The following C1orf198 variants were observed in gnomAD, a reference collection of about 807,000 sequenced individuals.
C1orf198 encodes the protein uncharacterized protein C1orf198.
In C1orf198, 17 loss-of-function variants were observed where a neutral mutation model predicts 31.4. The ratio of observed to expected loss-of-function variants is 0.54; its 90% CI spans 0.37 to 0.81. The LOEUF (loss-of-function observed/expected upper bound fraction) is 0.81, where lower values mean the gene tolerates loss of function less well. C1orf198 is among the 40% of genes least tolerant of loss of function. The pLI is 0.00. For missense variants in C1orf198, 401 were observed against 450.3 expected, an observed-to-expected ratio of 0.89 and a Z score of 0.99; for synonymous variants, 175 against 193.8, an observed-to-expected ratio of 0.90 and a Z score of 0.81.
chr1:230,847,725 G>A (rs1669632182), intron 2 of C1orf198, among the ~76,000 whole-genome samples: 1 of 152,240 alleles, frequency 6.6e-6, no homozygotes. Context: ...CAGAAAGACT[G>A]TGGGATAGAG....
Position 230,840,008 on chromosome 1 carries a change from A to C in C1orf198, c.928-100T>G. 9.7e-7 allele frequency: 1 copy of C among 1,034,512 alleles called. No homozygotes were observed. Among genetic ancestry groups the C allele is most frequent in the East Asian group, 2.5e-5 (1 of 39,526 alleles). 64.1% of individuals were successfully genotyped at this position (1,034,512 alleles called of 1,614,324 possible). ...TCATTTAAAACGACCCAGATAAAAG[A>C]GCCTACTTCTGTCTCAGAGGTTCCC... is the stretch of plus-strand genomic sequence containing the variant. On this transcript the variant is annotated intron_variant, in intron 3 of 3. Coordinates refer to ENST00000366663, the MANE Select transcript of C1orf198 (RefSeq NM_032800.3). This position sits in a 1 kb window ranked among gnomAD's most constrained non-coding sequence, Gnocchi z 4.0.
intron 2 of C1orf198, among the ~76,000 whole-genome samples, chr1:230,852,643 A>G (rs1268976111): frequency 6.6e-6 from 1 of 152,248 alleles, no homozygotes; most frequent in Non-Finnish European, 1.5e-5. Context: ...GAATGCCACC[A>G]GACTATACAC....
Position 230,843,971 on chromosome 1 carries a change from A to G in C1orf198, c.385-75T>C. On this transcript the variant is annotated intron_variant, in intron 2 of 3. Transcript: ENST00000366663. The surrounding 1 kb of genome is among the most constrained non-coding windows in gnomAD (Gnocchi z 4.9). ...TCGACCGTCACAAGTGTGCCAGCTC[A>G]CGCACCCCTCCTCAGCATAAGGACG... The G allele has an allele frequency of 7.1e-7, 1 of 1,412,454 alleles. No individual in the cohort carries two copies. Among genetic ancestry groups the G allele is most frequent in the Admixed American group, 2.3e-5 (1 of 43,504 alleles). The allele number at this position is 1,412,454 out of a possible 1,614,324, so 87.5% of individuals were successfully genotyped here.
chr1:230,842,861 G>A (rs1572125349), intron 3 of C1orf198, among the ~76,000 whole-genome samples: 1 of 152,234 alleles, frequency 6.6e-6, no homozygotes, highest in East Asian at 1.9e-4. Flanking sequence ...CCTCAGCAAG[G>A]CAGCCAGGAG....
In C1orf198 at chr1:230,841,455, C is replaced by T. The variant is rs566882288; in HGVS notation, c.928-1547G>A. 7.2e-5 allele frequency among the ~76,000 whole-genome samples: 11 copies of T among 152,232 alleles called. 1 individual carries two copies. Among genetic ancestry groups the T allele is most frequent in the African/African-American group, 2.6e-4 (11 of 41,524 alleles). On this transcript the variant is annotated intron_variant, in intron 3 of 3. Transcript: ENST00000366663. The stretch of plus-strand genomic sequence containing the variant: ...TGATCTCAACTCAACAACAAAATAA[C>T]CAAAAATTTAAAAATGGGCAAGGGA...
rs920815935 is a variant in C1orf198, at chr1:230,839,824, G to A, written c.*28C>T. On this transcript the variant is annotated 3_prime_UTR_variant, in exon 4 of 4. Transcript: ENST00000366663. ...ACACCACTTTGGAAAACATTTTAGG[G>A]TTCTTCATTGTATTTTTCTAATACA... 1 of 1,598,528 alleles carries A rather than the reference G, an allele frequency of 6.3e-7. No homozygotes were observed. The highest frequency in any genetic ancestry group is 8.5e-7 in the Non-Finnish European group (1 of 1,170,152).
intron 2 of C1orf198, among the ~76,000 whole-genome samples, chr1:230,855,097 C>A (rs1669841078): frequency 6.6e-6 from 1 of 152,102 alleles, no homozygotes; most frequent in Non-Finnish European, 1.5e-5. Context: ...TCTACTGGGG[C>A]AACTTAGGAG....
chr1:230,849,156 C>T (rs1669667169), intron 2 of C1orf198, among the ~76,000 whole-genome samples: 1 of 152,210 alleles, frequency 6.6e-6, no homozygotes, highest in Non-Finnish European at 1.5e-5. Flanking sequence ...TCTTCCAGTC[C>T]AGGGCACAGC....
At chr1:230,866,091 T>C (rs1670113768) in intron 1 of C1orf198, among the ~76,000 whole-genome samples, 1 of 152,206 alleles carries the variant, frequency 6.6e-6, no homozygotes, top group Non-Finnish European at 1.5e-5. Flanking sequence ...CAGCCTATCC[T>C]GTCCTTATCC....
At chr1:230,865,048 C>A (rs1670086562) in intron 1 of C1orf198, among the ~76,000 whole-genome samples, 1 of 152,212 alleles carries the variant, frequency 6.6e-6, no homozygotes. Flanking sequence ...ATTTGCAAAC[C>A]TGCCTTAATG....
At chr1:230,852,678 T>G (rs1400603077) in intron 2 of C1orf198, among the ~76,000 whole-genome samples, 1 of 152,138 alleles carries the variant, frequency 6.6e-6, no homozygotes, top group Non-Finnish European at 1.5e-5. Flanking sequence ...GATGGAAAAT[T>G]TTATGTTGTG....
At position 230,843,958 on chromosome 1, in the gene C1orf198, A is replaced by T; in HGVS notation, c.385-62T>A. ...GAGATCCTGAGAATCGACCGTCACA[A>T]GTGTGCCAGCTCACGCACCCCTCCT... On this transcript the variant is annotated intron_variant, in intron 2 of 3. Transcript: ENST00000366663. This position sits in a 1 kb window ranked among gnomAD's most constrained non-coding sequence, Gnocchi z 4.9. 1.4e-6 allele frequency: 2 copies of T among 1,475,244 alleles called. No homozygotes were observed. Among genetic ancestry groups the T allele is most frequent in the Non-Finnish European group, 1.8e-6 (2 of 1,112,828 alleles). The allele number at this position is 1,475,244 out of a possible 1,614,324, so 91.4% of individuals were successfully genotyped here.
rs778320924 is a variant in C1orf198, at chr1:230,843,577, G to A, written c.704C>T (p.Pro235Leu). 26 of 1,613,974 alleles carry A rather than the reference G, an allele frequency of 1.6e-5. No individual in the cohort carries two copies. The highest frequency in any genetic ancestry group is 1.6e-4 in the Middle Eastern group (1 of 6,082). Reference sequence around the variant, plus strand: ...TTCCACCTTGGCCTCCCTGTCCTTCGGGGCAGGTTCCTGCCGGTAGCAGGG... The same window carrying A: ...TTCCACCTTGGCCTCCCTGTCCTTCAGGGCAGGTTCCTGCCGGTAGCAGGG... ...LPPCYRQEPA[P>L]KDREAKVERP... Residue 235 changes from proline to leucine, a missense_variant, in exon 3 of 4, where the codon CCG (proline) becomes CTG (leucine). Pro to Leu is a moderately conservative substitution (Grantham distance 98). Coordinates refer to ENST00000366663, the MANE Select transcript of C1orf198 (RefSeq NM_032800.3). The surrounding 1 kb of genome is among the most constrained non-coding windows in gnomAD (Gnocchi z 4.9).
chr1:230,856,834 C>G (rs897458104), intron 1 of C1orf198, among the ~76,000 whole-genome samples: 3 of 152,144 alleles, frequency 2.0e-5, no homozygotes, highest in Admixed American at 1.3e-4. Context: ...CGTAAGTATC[C>G]CTGGATAACT....
intron 1 of C1orf198, among the ~76,000 whole-genome samples, chr1:230,863,243 C>G (rs1453292789): frequency 6.6e-6 from 1 of 152,120 alleles, no homozygotes; most frequent in Non-Finnish European, 1.5e-5. Flanking sequence ...GAATACGAAT[C>G]CAGAAACTCA....
chr1:230,858,493 A>G (rs1572137323), intron 1 of C1orf198, among the ~76,000 whole-genome samples: 1 of 152,284 alleles, frequency 6.6e-6, no homozygotes, highest in East Asian at 1.9e-4. Context: ...GGCTCTTCAC[A>G]GCTCTTAGTT....
At chr1:230,854,511 A>G (rs4593836) in intron 2 of C1orf198, among the ~76,000 whole-genome samples, 24,860 of 152,128 alleles carry the variant, frequency 0.16, 2,433 homozygotes, top group East Asian at 0.38. Flanking sequence ...TCACCCCTGC[A>G]ACCCGTACCC....
rs1669396068 is a variant in C1orf198 at position 230,839,810 on chromosome 1, G to A, written c.*42C>T. 1 of 1,579,352 alleles carries A rather than the reference G, an allele frequency of 6.3e-7. No homozygotes were observed. Among genetic ancestry groups the A allele is most frequent in the African/African-American group, 1.4e-5 (1 of 73,846 alleles). On this transcript the variant is annotated 3_prime_UTR_variant, in exon 4 of 4. Coordinates refer to ENST00000366663, the MANE Select transcript of C1orf198 (RefSeq NM_032800.3). ...TATCCTCCTCCACCACACCACTTTG[G>A]AAAACATTTTAGGGTTCTTCATTGT...
At chr1:230,850,998 G>C (rs184837586) in intron 2 of C1orf198, among the ~76,000 whole-genome samples, 1 of 152,056 alleles carries the variant, frequency 6.6e-6, no homozygotes, top group Non-Finnish European at 1.5e-5. Context: ...CTGACCCACA[G>C]CGTGAACAGG....
Sources: gnomAD v4.1 joint callset for allele counts (sites outside exome capture counted in the v4.1 genomes callset) on GRCh38, gnomAD v4.1.1 for gene constraint, Gnocchi (gnomAD v3.1) non-coding constraint, MANE v1.5 for transcripts, NCBI Gene and HGNC (gene_info 2026-07-23, HGNC 2026-07-21) for gene names.